Variants in CRBN observed in about 807,000 individuals in gnomAD.
CRBN encodes the protein protein cereblon.
A neutral mutation model predicts 62.2 loss-of-function variants in CRBN; 53 were observed. The ratio of observed to expected loss-of-function variants is 0.85; its 90% CI spans 0.68 to 1.07. The LOEUF is 1.07. Among genes scored for constraint, CRBN ranks in the 50% least tolerant of loss-of-function variants. The pLI is 0.00. For missense variants in CRBN, 616 were observed against 531.1 expected (o/e 1.16, Z -1.57); for synonymous variants, 208 against 176.1 (o/e 1.18, Z -1.43).
At chr3:3,170,230 C>T (rs956307525) in intron 4 of CRBN, among the ~76,000 whole-genome samples, 7 of 152,318 alleles carry the variant, frequency 4.6e-5, no homozygotes, top group African/African-American at 1.7e-4. Flanking sequence ...ATTCACATAC[C>T]TTGGCCTTCC....
At chr3:3,153,566 A>T in intron 8 of CRBN, 78 bp from the exon 9 acceptor site, 1 of 834,252 alleles carries the variant, frequency 1.2e-6, no homozygotes, top group East Asian at 2.4e-5. Context: ...GATCATCAAG[A>T]AACTTACTTA....
rs544921020 is a variant in CRBN, at chr3:3,171,900, T to C, written c.527+876A>G. 2.0e-5 allele frequency among the ~76,000 whole-genome samples: 3 copies of C among 152,296 alleles called. No homozygotes were observed. The South Asian group carries it at 6.2e-4, about 32-fold the overall frequency. On this transcript the variant is annotated intron_variant, in intron 4 of 10. Transcript: ENST00000231948. ...ACTGTGGGTATAAATTGGAAACCAA[T>C]TCACTAGTACTTGTATTGCGTACCA...
intron 5 of CRBN, among the ~76,000 whole-genome samples, chr3:3,165,989 A>T (rs1707312146): frequency 1.3e-5 from 2 of 152,208 alleles, no homozygotes; most frequent in Admixed American, 1.3e-4. Flanking sequence ...TTCAACAGTA[A>T]CATTTAAAAT....
intron 5 of CRBN, among the ~76,000 whole-genome samples, chr3:3,167,117 G>T (rs1707381966): frequency 6.6e-6 from 1 of 151,998 alleles, no homozygotes; most frequent in African/African-American, 2.4e-5. Context: ...ATATAACATA[G>T]GAATTAGTGC....
chr3:3,153,530 C>G lies in CRBN; in HGVS notation c.952-42G>C, dbSNP rs763155197. The G allele has an allele frequency of 4.5e-6, 5 of 1,106,154 alleles. No individual in the cohort carries two copies. The South Asian group carries it at 5.0e-5, about 11-fold the overall frequency. 68.5% of individuals were successfully genotyped at this position (1,106,154 alleles called of 1,614,324 possible). ...AAAAATTATTGGTAGGAAAAACTGG[C>G]ATTCACTTTATCATGTAATCACATA... is the stretch of plus-strand genomic sequence containing the variant. On this transcript the variant is annotated intron_variant, in intron 8 of 10. Coordinates refer to ENST00000231948, the MANE Select transcript of CRBN (RefSeq NM_016302.4).
chr3:3,172,671 G>C (rs59379332), intron 4 of CRBN, 105 bp downstream of exon 4: 1 of 1,218,330 alleles, frequency 8.2e-7, no homozygotes, highest in African/African-American at 1.5e-5. Flanking sequence ...AGAACAACTA[G>C]TTAAAAGTTA....
chr3:3,157,372 TAAATA>T (rs1486006256), intron 5 of CRBN, among the ~76,000 whole-genome samples: 21 of 152,198 alleles, frequency 1.4e-4, no homozygotes, highest in Non-Finnish European at 2.4e-4. Flanking sequence ...AATTTCACTG[TAAATA>T]AAATGTTAAT....
intron 4 of CRBN, 58 bp from the exon 5 acceptor site, chr3:3,167,851 A>T: frequency 6.5e-7 from 1 of 1,532,380 alleles, no homozygotes; most frequent in South Asian, 1.1e-5. Context: ...ACTCAAAACT[A>T]TAAGTTTCTA....
intron 10 of CRBN, 149 bp downstream of exon 10, chr3:3,152,307 C>A: frequency 1.2e-6 from 1 of 818,114 alleles, no homozygotes; most frequent in Middle Eastern, 2.4e-4. Context: ...CCCCTGCCCC[C>A]ATACCCGGCT....
rs1337311418 is a variant in CRBN, at chr3:3,152,141, TTTAA to T, written c.1148+311_1148+314del. Among the ~76,000 whole-genome samples, 4 of 123,670 alleles carry T rather than the reference TTTAA, an allele frequency of 3.2e-5. No individual in the cohort carries two copies. The Admixed American group carries it at 3.6e-4, about 11-fold the overall frequency. 81.1% of individuals were successfully genotyped at this position (123,670 alleles called of 152,430 possible). On this transcript the variant is annotated intron_variant, in intron 10 of 10. Coordinates refer to ENST00000231948, the MANE Select transcript of CRBN (RefSeq NM_016302.4). ...CTAGCTATTTGTGGAATGAAGGACA[TTTAA>T]ATAAATTTTTTTTTTTTTTTAAATA...
intron 4 of CRBN, 115 bp downstream of exon 4, chr3:3,172,661 A>G: frequency 9.3e-7 from 1 of 1,075,968 alleles, no homozygotes; most frequent in Non-Finnish European, 1.4e-6. Flanking sequence ...GAAGGGAAAG[A>G]GAACAACTAG....
rs1424408123 is a variant in CRBN at position 3,150,855 on chromosome 3, T to G, written c.*10A>C. On this transcript the variant is annotated 3_prime_UTR_variant, in exon 11 of 11. Transcript: ENST00000231948. ...AATTTGTTAGATAACTTTATCTCTA[T>G]CACATCTGTTTACAAGCAAAGTATT... 1 of 1,612,112 alleles carries G rather than the reference T, an allele frequency of 6.2e-7. No homozygotes were observed. Among genetic ancestry groups the G allele is most frequent in the Admixed American group, 1.7e-5 (1 of 59,840 alleles).
chr3:3,150,048 T>G lies in CRBN; in HGVS notation c.*817A>C, dbSNP rs1161494945. Reference sequence around the variant, plus strand: ...CTTAAGGTTTACTTACTTACAGATTTTCTTCAATTTACATTGAACAAAATA... The same window carrying G: ...CTTAAGGTTTACTTACTTACAGATTGTCTTCAATTTACATTGAACAAAATA... On this transcript the variant is annotated 3_prime_UTR_variant, in exon 11 of 11. Coordinates refer to ENST00000231948, the MANE Select transcript of CRBN (RefSeq NM_016302.4). 6.6e-6 allele frequency: 1 copy of G among 152,178 alleles called. No homozygotes were observed. The highest frequency in any genetic ancestry group is 1.5e-5 in the Non-Finnish European group (1 of 68,008). The allele number at this position is 152,178 out of a possible 1,614,324, so 9.4% of individuals were successfully genotyped here.
At chr3:3,176,474 A>G (rs986976180) in intron 1 of CRBN, among the ~76,000 whole-genome samples, 1 of 152,188 alleles carries the variant, frequency 6.6e-6, no homozygotes, top group Non-Finnish European at 1.5e-5. Flanking sequence ...GGTGGCTCAC[A>G]CCTGTAATCC....
rs1170479028 is a variant in CRBN, at chr3:3,154,016, G to T, written c.895C>A (p.Leu299Ile). 6.2e-7 allele frequency: 1 copy of T among 1,613,798 alleles called. No homozygotes were observed. The highest frequency in any genetic ancestry group is 2.2e-5 in the East Asian group (1 of 44,858). ...PIDDVLRIQL[L>I]KIGSAIQRLR... is the part of the protein sequence containing the mutation. ...CGCTGGATAGCACTGCCAATTTTAA[G>T]GAGCTGAATTCTCAATACATCATCA... Residue 299 changes from leucine to isoleucine, a missense_variant, in exon 8 of 11, where the codon CTT (leucine) becomes ATT (isoleucine). Physicochemically the swap from Leu to Ile is conservative, Grantham distance 5. Transcript: ENST00000231948.
intron 5 of CRBN, among the ~76,000 whole-genome samples, chr3:3,162,141 C>T (rs529585007): frequency 6.6e-6 from 1 of 152,300 alleles, no homozygotes; most frequent in South Asian, 2.1e-4. Flanking sequence ...AGATGAGACT[C>T]ATTACTTTCT....
At chr3:3,177,589 C>A (rs944074478) in intron 1 of CRBN, among the ~76,000 whole-genome samples, 3 of 152,178 alleles carry the variant, frequency 2.0e-5, no homozygotes, top group African/African-American at 7.2e-5. Context: ...TATCACTTGG[C>A]ATGCAGCACA....
chr3:3,169,814 G>A (rs960991382), intron 4 of CRBN, among the ~76,000 whole-genome samples: 5 of 152,050 alleles, frequency 3.3e-5, no homozygotes, highest in African/African-American at 1.2e-4. Context: ...GATGCCAATA[G>A]GATATCAATC....
At chr3:3,171,828 T>G (rs1171124768) in intron 4 of CRBN, among the ~76,000 whole-genome samples, 1 of 152,154 alleles carries the variant, frequency 6.6e-6, no homozygotes, top group African/African-American at 2.4e-5. Flanking sequence ...CTTGCATGTG[T>G]TCAGAAGATA....
Sources: allele counts gnomAD v4.1 joint callset (sites outside exome capture counted in the v4.1 genomes callset), GRCh38; gene constraint gnomAD v4.1.1; transcripts MANE v1.5; gene names NCBI Gene and HGNC (gene_info 2026-07-23, HGNC 2026-07-21).